The following GPHN variants were observed in gnomAD, a reference collection of about 807,000 sequenced individuals.
The protein encoded by GPHN is gephyrin.
Under a neutral mutation model 95.5 loss-of-function variants are expected in GPHN, and 17 were observed. The observed-to-expected ratio is 0.18, with a 90% CI of 0.12 to 0.27. The LOEUF is 0.27. GPHN is among the 10% of genes least tolerant of loss of function. The probability of loss-of-function intolerance (pLI) is 1.00; values close to 1 mark genes in which losing one functional copy is unlikely to be tolerated. For missense variants in GPHN, 660 were observed against 978.1 expected (o/e 0.67, Z 4.34); for synonymous variants, 320 against 322.5 (o/e 0.99, Z 0.08).
At chr14:66,666,372 A>T (rs909923397) in intron 1 of GPHN, among the ~76,000 whole-genome samples, 1 of 151,540 alleles carries the variant, frequency 6.6e-6, no homozygotes, top group African/African-American at 2.4e-5. Flanking sequence ...TGATAACATT[A>T]TGAACTTACT....
At chr14:66,937,312 A>C (rs541862430) in intron 8 of GPHN, among the ~76,000 whole-genome samples, 4 of 151,920 alleles carry the variant, frequency 2.6e-5, no homozygotes, top group Non-Finnish European at 5.9e-5. Context: ...CCTCTAAGAT[A>C]GTTTTTATTT....
At chr14:67,274,729 C>T in the GPHN span, among the ~76,000 whole-genome samples, 6 of 152,268 alleles carry the variant, frequency 3.9e-5, 1 homozygote, top group Non-Finnish European at 1.5e-5. Flanking sequence ...GCCATTTTCA[C>T]GATATTGATT....
the GPHN span, among the ~76,000 whole-genome samples, chr14:67,217,906 T>C: frequency 2.6e-5 from 4 of 152,214 alleles, no homozygotes; most frequent in African/African-American, 9.6e-5. Context: ...AAAAAATGCC[T>C]CCTCCAATTT....
chr14:66,737,226 C>T (rs2072375046), intron 2 of GPHN, among the ~76,000 whole-genome samples: 1 of 151,910 alleles, frequency 6.6e-6, no homozygotes, highest in South Asian at 2.1e-4. Flanking sequence ...TCTTCCTGTT[C>T]TCCCTTCCTC....
chr14:66,835,385 G>A (rs997852083), intron 4 of GPHN, among the ~76,000 whole-genome samples: 14 of 151,894 alleles, frequency 9.2e-5, no homozygotes, highest in African/African-American at 2.7e-4. Flanking sequence ...TTTCTCTTGT[G>A]GGCATTTAGT....
intron 10 of GPHN, among the ~76,000 whole-genome samples, chr14:67,033,354 A>G (rs1196509833): frequency 1.3e-5 from 2 of 152,188 alleles, no homozygotes; most frequent in Admixed American, 6.6e-5. Context: ...ACTTGAGTCC[A>G]GGGATTCGAG....
intron 9 of GPHN, among the ~76,000 whole-genome samples, chr14:67,002,581 AT>A (rs1294542638): frequency 1.3e-5 from 2 of 151,220 alleles, no homozygotes; most frequent in Non-Finnish European, 3.0e-5. Flanking sequence ...TTGGGGCTAG[AT>A]TTGAATCCTA....
the GPHN span, among the ~76,000 whole-genome samples, chr14:67,469,902 C>T: frequency 1.3e-5 from 2 of 152,196 alleles, no homozygotes; most frequent in African/African-American, 4.8e-5. Context: ...TGAGATGTCT[C>T]AGGTCATGGC....
At chr14:66,554,725 T>A (rs1050969230) in intron 1 of GPHN, among the ~76,000 whole-genome samples, 1 of 152,172 alleles carries the variant, frequency 6.6e-6, no homozygotes, top group Non-Finnish European at 1.5e-5. Flanking sequence ...AATTATATAG[T>A]CAGGGAATCA....
the GPHN span, chr14:67,473,494 A>C: frequency 6.2e-7 from 1 of 1,614,156 alleles, no homozygotes; most frequent in Non-Finnish European, 8.5e-7. This position sits in a 1 kb window ranked among gnomAD's most constrained non-coding sequence, Gnocchi z 6.5. Flanking sequence ...TCCTTGTCGA[A>C]GCGGAGGCGG....
chr14:67,377,099 C>T, the GPHN span, among the ~76,000 whole-genome samples: 1 of 152,190 alleles, frequency 6.6e-6, no homozygotes, highest in Non-Finnish European at 1.5e-5. Flanking sequence ...GGATCTGATT[C>T]CAAACCTTTT....
intron 1 of GPHN, among the ~76,000 whole-genome samples, chr14:66,556,855 G>T (rs763049339): frequency 3.3e-5 from 5 of 151,870 alleles, no homozygotes; most frequent in Non-Finnish European, 7.4e-5. Flanking sequence ...ATACACAAAG[G>T]CTTCTACTTC....
intron 1 of GPHN, among the ~76,000 whole-genome samples, chr14:66,573,545 T>C (rs898841009): frequency 3.3e-5 from 5 of 151,894 alleles, no homozygotes; most frequent in Admixed American, 3.3e-4. Flanking sequence ...CTCTGCCTCT[T>C]GGGTTCAAGT....
At position 66,642,864 on chromosome 14, in the gene GPHN, T is replaced by C. The variant is rs542047832; in HGVS notation, c.65-38243T>C. On this transcript the variant is annotated intron_variant, in intron 1 of 22. Coordinates refer to ENST00000478722, the MANE Select transcript of GPHN (RefSeq NM_020806.5). ...TTTAGGTACATCATAGATCCAACTA[T>C]GAAAGATTTAAAAAATAAAGCTTTT... Among the ~76,000 whole-genome samples, 47 of 152,132 alleles carry C rather than the reference T, an allele frequency of 3.1e-4. 2 individuals are homozygous for C. The highest frequency in any genetic ancestry group is 1.1e-3 in the African/African-American group (46 of 41,528).
intron 9 of GPHN, among the ~76,000 whole-genome samples, chr14:67,012,658 A>G (rs1401889795): frequency 1.3e-5 from 2 of 152,164 alleles, no homozygotes; most frequent in East Asian, 3.8e-4. Context: ...TTTGTCCTTT[A>G]TACAATGTTG....
intron 4 of GPHN, among the ~76,000 whole-genome samples, chr14:66,858,758 C>T (rs1210462502): frequency 2.0e-5 from 3 of 152,054 alleles, no homozygotes; most frequent in Admixed American, 1.3e-4. Flanking sequence ...TGCCCTGGGC[C>T]ACAGGGGAGT....
At chr14:66,863,200 GAA>G (rs552371465) in intron 4 of GPHN, among the ~76,000 whole-genome samples, 1,509 of 119,964 alleles carry the variant, frequency 0.013, 24 homozygotes, top group African/African-American at 0.043. Flanking sequence ...ATCTGAAAAA[GAA>G]AAAAAAAAAA....
At chr14:67,474,274 A>G in the GPHN span, among the ~76,000 whole-genome samples, 1 of 151,410 alleles carries the variant, frequency 6.6e-6, no homozygotes, top group Non-Finnish European at 1.5e-5. Context: ...ACAAAAAAAA[A>G]ACAGAGCAAA....
At chr14:66,956,672 A>T (rs2068528067) in intron 8 of GPHN, among the ~76,000 whole-genome samples, 1 of 152,058 alleles carries the variant, frequency 6.6e-6, no homozygotes, top group Admixed American at 6.6e-5. Flanking sequence ...TTTTGGCTGC[A>T]TAAATGTCTT....
Sources: allele counts gnomAD v4.1 joint callset (sites outside exome capture counted in the v4.1 genomes callset), GRCh38; gene constraint gnomAD v4.1.1; non-coding constraint Gnocchi (gnomAD v3.1); transcripts MANE v1.5; gene names NCBI Gene and HGNC (gene_info 2026-07-23, HGNC 2026-07-21).